TBL1X: variants seen among roughly 807,000 people sequenced by gnomAD.
TBL1X encodes transducin beta like 1 X-linked.
Under a neutral mutation model 50.7 loss-of-function variants are expected in TBL1X, and 10 were observed. That is an observed-to-expected ratio of 0.20 (90% CI 0.12 to 0.33). The LOEUF is 0.33. Among genes scored for constraint, TBL1X ranks in the 10% least tolerant of loss-of-function variants. The pLI, the probability that TBL1X is intolerant of heterozygous loss-of-function variation, is 1.00. For synonymous variants in TBL1X, 190 were observed against 214.7 expected, an observed-to-expected ratio of 0.88 and a Z score of 1.01; for missense variants, 340 against 504.4, an observed-to-expected ratio of 0.67 and a Z score of 3.12.
chrX:9,715,865 C>T (rs1025314651), intron 17 of TBL1X, among the ~76,000 whole-genome samples: 1 of 112,128 alleles, frequency 8.9e-6, no homozygotes, highest in African/African-American at 3.2e-5. Flanking sequence ...GGCCAAGGGT[C>T]AGAGTAGTCC....
At chrX:9,554,035 C>T (rs2082283350) in intron 2 of TBL1X, among the ~76,000 whole-genome samples, 2 of 111,476 alleles carry the variant, frequency 1.8e-5, no homozygotes, top group Admixed American at 1.9e-4. Context: ...TGTGCACCTC[C>T]ACATCTGGCT....
intron 2 of TBL1X, among the ~76,000 whole-genome samples, chrX:9,558,739 A>G (rs2146998465): frequency 9.0e-6 from 1 of 110,757 alleles, no homozygotes; most frequent in South Asian, 3.8e-4. Flanking sequence ...TTTACAATAT[A>G]TTACAATGGT....
chrX:9,513,137 C>T (rs963028416), intron 2 of TBL1X, among the ~76,000 whole-genome samples: 2 of 111,077 alleles, frequency 1.8e-5, no homozygotes, highest in Non-Finnish European at 3.8e-5. Context: ...GCATGCTACA[C>T]GTGCAGGAAG....
At chrX:9,598,908 C>CT (rs34080351) in intron 2 of TBL1X, among the ~76,000 whole-genome samples, 23 of 97,986 alleles carry the variant, frequency 2.3e-4, no homozygotes, top group Admixed American at 1.0e-3. Flanking sequence ...ATCCCCCTAC[C>CT]TTTTTTTTTT....
intron 2 of TBL1X, among the ~76,000 whole-genome samples, chrX:9,612,520 A>G (rs181556311): frequency 6.2e-5 from 7 of 112,566 alleles, no homozygotes; most frequent in African/African-American, 1.6e-4. Context: ...CTATTTTAAT[A>G]TATAATAATG....
At chrX:9,673,955 A>G (rs748340360) in intron 5 of TBL1X, among the ~76,000 whole-genome samples, 26 of 112,069 alleles carry the variant, frequency 2.3e-4, no homozygotes, top group African/African-American at 8.4e-4. Flanking sequence ...AATCCCAGTT[A>G]CTTGGGAGGC....
chrX:9,673,782 G>T (rs1461783804), intron 5 of TBL1X, among the ~76,000 whole-genome samples: 2 of 112,137 alleles, frequency 1.8e-5, no homozygotes, highest in Non-Finnish European at 3.8e-5. Context: ...ATAAATTGGG[G>T]GCTAGGTGCG....
At chrX:9,621,958 A>G (rs1036145573) in intron 2 of TBL1X, among the ~76,000 whole-genome samples, 4 of 112,105 alleles carry the variant, frequency 3.6e-5, no homozygotes, top group Admixed American at 9.5e-5. Context: ...TGAATCTGAA[A>G]AGAAAAAAGT....
At chrX:9,554,230 A>G (rs1276850475) in intron 2 of TBL1X, among the ~76,000 whole-genome samples, 3 of 112,527 alleles carry the variant, frequency 2.7e-5, no homozygotes, top group African/African-American at 9.7e-5. Flanking sequence ...TTTTTGTCCT[A>G]TGTGACAACA....
intron 2 of TBL1X, among the ~76,000 whole-genome samples, chrX:9,633,946 C>T (rs986207686): frequency 6.3e-5 from 7 of 111,230 alleles, no homozygotes; most frequent in African/African-American, 1.3e-4. Context: ...TCACAGGATA[C>T]GTGCTGCCCA....
intron 1 of TBL1X, among the ~76,000 whole-genome samples, chrX:9,474,870 G>C (rs1176341937): frequency 2.7e-5 from 3 of 112,347 alleles, no homozygotes; most frequent in Non-Finnish European, 5.6e-5. Context: ...TTTAAATCTG[G>C]TTATTTGTTT....
intron 5 of TBL1X, among the ~76,000 whole-genome samples, chrX:9,683,523 G>A (rs749597005): frequency 8.9e-6 from 1 of 111,744 alleles, no homozygotes; most frequent in East Asian, 2.8e-4. Flanking sequence ...GTCTTCAGTT[G>A]TTGAGTTGTG....
chrX:9,593,726 G>A (rs1251153970), intron 2 of TBL1X, among the ~76,000 whole-genome samples: 1 of 109,816 alleles, frequency 9.1e-6, no homozygotes, highest in Non-Finnish European at 1.9e-5. Context: ...CCATCCTTCC[G>A]CCCCACTTCC....
chrX:9,626,667 T>C (rs1332389210), intron 2 of TBL1X, among the ~76,000 whole-genome samples: 1 of 112,678 alleles, frequency 8.9e-6, no homozygotes, highest in Non-Finnish European at 1.9e-5. Flanking sequence ...TTTGTGGCCA[T>C]GGCCCATGAG....
At chrX:9,490,278 T>C (rs1470126894) in intron 1 of TBL1X, among the ~76,000 whole-genome samples, 1 of 111,987 alleles carries the variant, frequency 8.9e-6, no homozygotes, top group Non-Finnish European at 1.9e-5. Flanking sequence ...GCCAGGGTGC[T>C]TGTTAAACCT....
intron 2 of TBL1X, among the ~76,000 whole-genome samples, chrX:9,569,342 A>C (rs1296116094): frequency 1.2e-5 from 1 of 84,049 alleles, no homozygotes; most frequent in Admixed American, 1.3e-4. Context: ...CTATCTGTGC[A>C]GTGTGCTGTG....
chrX:9,578,568 G>A (rs754097691), intron 2 of TBL1X, among the ~76,000 whole-genome samples: 2 of 111,703 alleles, frequency 1.8e-5, no homozygotes. Flanking sequence ...CTCTGTCGAC[G>A]GCGCTAAGTA....
chrX:9,697,228 G>A, intron 11 of TBL1X, 141 bp from the exon 12 acceptor site: 1 of 700,540 alleles, frequency 1.4e-6, no homozygotes, highest in Non-Finnish European at 2.1e-6. Context: ...ATTGAAACTA[G>A]CCCATAAGGC....
chrX:9,485,831 G>A lies in TBL1X; in HGVS notation c.-200-15949G>A, dbSNP rs142748375. Among the ~76,000 whole-genome samples the A allele has an allele frequency of 1.4e-4, 16 of 112,333 alleles. No individual in the cohort carries two copies. The East Asian group carries it at 4.5e-3, about 31-fold the overall frequency. ...GAAAGGGGGCCAATTTGCCTTTCGG[G>A]TGTCTGATCTAACAAGCCTTGGAGC... On this transcript the variant is annotated intron_variant, in intron 1 of 17. Coordinates refer to ENST00000645353, the MANE Select transcript of TBL1X (RefSeq NM_005647.4).
Sources: gnomAD v4.1 joint callset for allele counts (sites outside exome capture counted in the v4.1 genomes callset) on GRCh38, gnomAD v4.1.1 for gene constraint, MANE v1.5 for transcripts, NCBI Gene and HGNC (gene_info 2026-07-23, HGNC 2026-07-21) for gene names.